Variants in ADGRL3 observed in about 807,000 individuals in gnomAD.
ADGRL3 encodes calcium-independent alpha-latrotoxin receptor 3.
In ADGRL3, 62 loss-of-function variants were observed where a neutral mutation model predicts 153.5. The observed-to-expected ratio is 0.40, with a 90% CI of 0.33 to 0.50. The LOEUF (loss-of-function observed/expected upper bound fraction) is 0.50. ADGRL3 is among the 20% of genes least tolerant of loss of function. The pLI, the probability that ADGRL3 is intolerant of heterozygous loss-of-function variation, is 0.47. For missense variants in ADGRL3, 1,641 were observed against 1,859.4 expected (o/e 0.88, Z 2.16); for synonymous variants, 710 against 672.5 (o/e 1.06, Z -0.86).
intron 1 of ADGRL3, among the ~76,000 whole-genome samples, chr4:61,350,122 G>T (rs1365717689): frequency 6.6e-6 from 1 of 152,090 alleles, no homozygotes; most frequent in Non-Finnish European, 1.5e-5. Context: ...TAGATTGAAA[G>T]CAGAGAAACA....
chr4:61,893,838 G>T (rs530691649), intron 10 of ADGRL3, among the ~76,000 whole-genome samples: 2 of 149,156 alleles, frequency 1.3e-5, no homozygotes, highest in African/African-American at 4.9e-5. Context: ...CTCCTGAGTA[G>T]CTGGGATTAC....
At chr4:61,299,995 GT>G (rs1560445979) in intron 1 of ADGRL3, among the ~76,000 whole-genome samples, 2 of 152,148 alleles carry the variant, frequency 1.3e-5, no homozygotes, top group Non-Finnish European at 2.9e-5. Flanking sequence ...AGCCATAGCT[GT>G]ATGTTGCAGA....
chr4:61,314,490 G>A (rs940587283), intron 1 of ADGRL3, among the ~76,000 whole-genome samples: 4 of 152,200 alleles, frequency 2.6e-5, no homozygotes, highest in African/African-American at 9.6e-5. Context: ...TTATAGGCGT[G>A]AGCCACTGCG....
At chr4:61,503,115 G>A (rs1222002082) in intron 3 of ADGRL3, among the ~76,000 whole-genome samples, 1 of 152,136 alleles carries the variant, frequency 6.6e-6, no homozygotes, top group Non-Finnish European at 1.5e-5. Flanking sequence ...CACAATGTAA[G>A]CTACAAACAT....
intron 2 of ADGRL3, among the ~76,000 whole-genome samples, chr4:61,444,968 C>G (rs1384822525): frequency 6.6e-6 from 1 of 151,884 alleles, no homozygotes; most frequent in Non-Finnish European, 1.5e-5. Context: ...GGAAGGATCG[C>G]TTGAGCCCAG....
chr4:61,326,650 A>G (rs1040546923), intron 1 of ADGRL3, among the ~76,000 whole-genome samples: 16 of 149,182 alleles, frequency 1.1e-4, no homozygotes, highest in African/African-American at 3.6e-4. Flanking sequence ...GAAAAACACA[A>G]AAATTTAAGA....
intron 6 of ADGRL3, among the ~76,000 whole-genome samples, chr4:61,685,181 G>T (rs569422749): frequency 6.6e-6 from 1 of 152,134 alleles, no homozygotes; most frequent in African/African-American, 2.4e-5. Context: ...GCCTCCCAAA[G>T]TTTTGGGATT....
chr4:61,938,780 T>C (rs1369233565), intron 15 of ADGRL3, among the ~76,000 whole-genome samples: 1 of 148,616 alleles, frequency 6.7e-6, no homozygotes, highest in Non-Finnish European at 1.5e-5. Context: ...AAAGCAAATA[T>C]ATGTCCATTT....
intron 5 of ADGRL3, among the ~76,000 whole-genome samples, chr4:61,616,764 A>G (rs1323997098): frequency 6.6e-6 from 1 of 152,194 alleles, no homozygotes; most frequent in East Asian, 1.9e-4. Context: ...CTTCCATGTT[A>G]TAAATATATA....
At chr4:61,442,147 C>T (rs1384336711) in intron 2 of ADGRL3, among the ~76,000 whole-genome samples, 1 of 152,114 alleles carries the variant, frequency 6.6e-6, no homozygotes, top group Admixed American at 6.6e-5. Flanking sequence ...TTGATGATAA[C>T]TGTAATGTTA....
chr4:61,244,461 T>G (rs1315331799), intron 1 of ADGRL3, among the ~76,000 whole-genome samples: 1 of 152,068 alleles, frequency 6.6e-6, no homozygotes, highest in Non-Finnish European at 1.5e-5. Context: ...CAAATAGATT[T>G]ATGCATGTGT....
Position 61,488,230 on chromosome 4 carries a change from A to C in ADGRL3, c.-173-8891A>C, listed in dbSNP as rs145148790. On this transcript the variant is annotated intron_variant, in intron 2 of 26. Transcript: ENST00000683033. ...TTAAATGAAACTTTTATGCTAGAAA[A>C]GTTTCCTATTAAAATTACCCTAGAG... 2.1e-4 allele frequency among the ~76,000 whole-genome samples: 32 copies of C among 152,168 alleles called. 1 individual carries two copies. Among genetic ancestry groups the C allele is most frequent in the African/African-American group, 7.5e-4 (31 of 41,570 alleles).
intron 1 of ADGRL3, among the ~76,000 whole-genome samples, chr4:61,259,604 A>G (rs995499786): frequency 2.0e-5 from 3 of 152,136 alleles, no homozygotes; most frequent in Admixed American, 6.5e-5. Context: ...TTTATATTGC[A>G]TGAAGCCTTC....
chr4:61,788,806 A>C (rs978246548), intron 8 of ADGRL3, among the ~76,000 whole-genome samples: 2 of 152,210 alleles, frequency 1.3e-5, no homozygotes, highest in African/African-American at 4.8e-5. Context: ...ACATCCATTG[A>C]TTCATGAGTT....
intron 1 of ADGRL3, among the ~76,000 whole-genome samples, chr4:61,215,589 C>G (rs569133807): frequency 8.5e-6 from 1 of 117,634 alleles, no homozygotes; most frequent in South Asian, 2.9e-4. Flanking sequence ...TCTCGCTCTG[C>G]TTCTCAGGTT....
intron 8 of ADGRL3, among the ~76,000 whole-genome samples, chr4:61,740,965 G>C (rs1046124660): frequency 6.6e-6 from 1 of 152,276 alleles, no homozygotes; most frequent in Non-Finnish European, 1.5e-5. Flanking sequence ...TGCACCTTCT[G>C]TCCTTATAAT....
At chr4:61,379,879 A>T (rs1468454408) in intron 1 of ADGRL3, among the ~76,000 whole-genome samples, 6 of 151,904 alleles carry the variant, frequency 3.9e-5, no homozygotes, top group Non-Finnish European at 8.8e-5. Flanking sequence ...TTTGTTATAA[A>T]CATCCCGGTA....
intron 21 of ADGRL3, among the ~76,000 whole-genome samples, chr4:62,002,375 TC>T (rs1459735056): frequency 1.3e-5 from 2 of 150,578 alleles, no homozygotes; most frequent in East Asian, 3.9e-4. Flanking sequence ...CACTTTCTTT[TC>T]CCTAACGCTA....
intron 13 of ADGRL3, among the ~76,000 whole-genome samples, chr4:61,925,826 A>G (rs2098791951): frequency 6.6e-6 from 1 of 152,144 alleles, no homozygotes; most frequent in South Asian, 2.1e-4. Context: ...TATCCAAACT[A>G]TCTCATGAAC....
Sources: allele counts gnomAD v4.1 joint callset (sites outside exome capture counted in the v4.1 genomes callset), GRCh38; gene constraint gnomAD v4.1.1; transcripts MANE v1.5; gene names NCBI Gene and HGNC (gene_info 2026-07-23, HGNC 2026-07-21).